TRDN: variants seen among roughly 807,000 people sequenced by gnomAD.
The protein encoded by TRDN is triadin, also known as triadin in skeletal muscle.
TRDN carries 161 observed loss-of-function variants against 149.7 expected under a neutral mutation model. That is an observed-to-expected ratio of 1.08 (90% confidence interval 0.95 to 1.23). The LOEUF (loss-of-function observed/expected upper bound fraction) is 1.23. Among genes scored for constraint, TRDN ranks in the 50% most tolerant of loss-of-function variants. The pLI, the probability that TRDN is intolerant of heterozygous loss-of-function variation, is 0.00. For missense variants in TRDN, 896 were observed against 823.5 expected (o/e 1.09, Z -1.08); for synonymous variants, 294 against 250.5 (o/e 1.17, Z -1.64).
chr6:123,527,776 T>C (rs1209125500), intron 5 of TRDN, among the ~76,000 whole-genome samples: 2 of 151,848 alleles, frequency 1.3e-5, no homozygotes, highest in African/African-American at 4.8e-5. Flanking sequence ...ATTCTGATTA[T>C]ATTTATAAAA....
At chr6:123,574,090 T>C (rs1051742503) in intron 1 of TRDN, among the ~76,000 whole-genome samples, 15 of 151,974 alleles carry the variant, frequency 9.9e-5, no homozygotes, top group South Asian at 2.1e-4. Flanking sequence ...CAAACAAAAT[T>C]AGTTTTTTAG....
chr6:123,517,452 C>T (rs1417043507), intron 5 of TRDN, among the ~76,000 whole-genome samples: 2 of 152,056 alleles, frequency 1.3e-5, no homozygotes, highest in Non-Finnish European at 2.9e-5. Context: ...ATATCATTGA[C>T]TCCTCTGTTA....
rs545032318 is a variant in TRDN at position 123,516,189 on chromosome 6, C to T, written c.502G>A (p.Glu168Lys). The change falls in exon 6 of 41, where the codon GAA (glutamate) becomes AAA (lysine). Residue 168 changes from glutamate (E) to lysine (K), a missense_variant. By Grantham distance (56) the Glu-to-Lys change is moderately conservative (BLOSUM62 1). Transcript: ENST00000334268. Reference protein sequence around the residue: ...IQTKVTHKEKEKGKEKVREKE... With the variant: ...IQTKVTHKEKKKGKEKVREKE... The stretch of plus-strand genomic sequence containing the variant: ...TCTCTTACTTTTTCTTTTCCTTTTT[C>T]TTTTTCTTTGTGTGTAACTGAAAAG... 346 of 1,482,694 alleles carry T rather than the reference C, an allele frequency of 2.3e-4. 6 individuals carry two copies. The South Asian group carries it at 4.1e-3, about 17-fold the overall frequency. 91.8% of individuals were successfully genotyped at this position (1,482,694 alleles called of 1,614,324 possible).
chr6:123,306,000 A>G (rs1376071964), intron 24 of TRDN, among the ~76,000 whole-genome samples: 2 of 152,150 alleles, frequency 1.3e-5, no homozygotes, highest in Non-Finnish European at 2.9e-5. Flanking sequence ...CTTCAGAATT[A>G]GGTTTAAGCT....
intron 19 of TRDN, among the ~76,000 whole-genome samples, chr6:123,370,377 T>A (rs1781278981): frequency 6.6e-6 from 1 of 152,120 alleles, no homozygotes; most frequent in Non-Finnish European, 1.5e-5. Flanking sequence ...ATTATTTAAT[T>A]TGTGTGATTT....
chr6:123,366,749 C>A (rs1337274863), intron 19 of TRDN, among the ~76,000 whole-genome samples: 1 of 152,136 alleles, frequency 6.6e-6, no homozygotes, highest in Non-Finnish European at 1.5e-5. Flanking sequence ...AACTCCTGAC[C>A]TCAGGTGATC....
At chr6:123,576,772 A>C (rs988214026) in intron 1 of TRDN, among the ~76,000 whole-genome samples, 1 of 152,070 alleles carries the variant, frequency 6.6e-6, no homozygotes, top group Non-Finnish European at 1.5e-5. Flanking sequence ...TCTGGGAAAC[A>C]AGGGCTGGTT....
intron 12 of TRDN, among the ~76,000 whole-genome samples, chr6:123,409,284 T>C (rs1262849721): frequency 6.6e-6 from 1 of 152,202 alleles, no homozygotes; most frequent in Admixed American, 6.5e-5. Flanking sequence ...ACATATATTC[T>C]TCAATTTAGC....
intron 24 of TRDN, among the ~76,000 whole-genome samples, chr6:123,292,023 G>C (rs929936107): frequency 1.3e-5 from 2 of 152,072 alleles, no homozygotes; most frequent in African/African-American, 2.4e-5. Flanking sequence ...ATCTCATTTT[G>C]GCTTTTGGTT....
In TRDN at chr6:123,319,825, A is replaced by C. The variant is rs146711311; in HGVS notation, c.1472-3330T>G. On this transcript the variant is annotated intron_variant, in intron 23 of 40. Transcript: ENST00000334268. ...TTTCCTATGCAGCACTGACTTTTCC[A>C]GGCTGTTGATTTCATTTGTGAAATG... 3.9e-3 allele frequency among the ~76,000 whole-genome samples: 591 copies of C among 152,184 alleles called. 22 individuals carry two copies. Among genetic ancestry groups the C allele is most frequent in the Admixed American group, 0.032 (485 of 15,230 alleles).
chr6:123,378,183 G>T (rs571279482), intron 16 of TRDN, among the ~76,000 whole-genome samples: 1 of 151,696 alleles, frequency 6.6e-6, no homozygotes, highest in East Asian at 1.9e-4. Context: ...ATCCATAAAG[G>T]GTGAAAAAAA....
At chr6:123,492,920 T>TCTTTCTGTCTCAATCTCTCC (rs1249653101) in intron 9 of TRDN, among the ~76,000 whole-genome samples, 1 of 152,082 alleles carries the variant, frequency 6.6e-6, no homozygotes, top group East Asian at 1.9e-4. Context: ...TCAATCTCTT[T>TCTTTCTGTCTCAATCTCTCC]CTTTCTGTCT....
intron 1 of TRDN, among the ~76,000 whole-genome samples, chr6:123,635,245 A>G (rs7775942): frequency 0.064 from 9,682 of 151,888 alleles, 1,002 homozygotes; most frequent in African/African-American, 0.22. Flanking sequence ...AATAGGAAAA[A>G]TGCTATTTAT....
rs1169561638 is a variant in TRDN, at chr6:123,516,016, T to C, written c.550+125A>G. 3 of 1,071,512 alleles carry C rather than the reference T, an allele frequency of 2.8e-6. No homozygotes were observed. In the East Asian group the frequency reaches 1.2e-4, roughly 43 times the overall value. The allele number at this position is 1,071,512 out of a possible 1,614,324, so 66.4% of individuals were successfully genotyped here. A position where few individuals can be genotyped will look rare whatever the true frequency, so the allele number is the denominator to read the frequency against. On this transcript the variant is annotated intron_variant, in intron 6 of 40. Coordinates refer to ENST00000334268, the MANE Select transcript of TRDN (RefSeq NM_006073.4). ...CAGAAATTCCTTTTTTCAGATTCTA[T>C]TCTGAGAAAATAATCCTAATCTAAT...
At chr6:123,482,794 C>T (rs572962201) in intron 9 of TRDN, among the ~76,000 whole-genome samples, 1 of 152,174 alleles carries the variant, frequency 6.6e-6, no homozygotes, top group East Asian at 1.9e-4. Flanking sequence ...TAAACAAGAG[C>T]TCATTACCCA....
chr6:123,469,554 C>T (rs146639224), intron 9 of TRDN: 6 of 152,326 alleles, frequency 3.9e-5, no homozygotes, highest in African/African-American at 9.6e-5. Context: ...GATGTTTTTA[C>T]TTCAAACAGA....
At chr6:123,252,783 G>A (rs1462565897) in intron 37 of TRDN, among the ~76,000 whole-genome samples, 1 of 151,898 alleles carries the variant, frequency 6.6e-6, no homozygotes, top group Admixed American at 6.6e-5. Context: ...ACTATGCCTG[G>A]CTGATTCTTT....
At chr6:123,441,747 CA>C (rs1468107022) in intron 10 of TRDN, among the ~76,000 whole-genome samples, 1 of 152,178 alleles carries the variant, frequency 6.6e-6, no homozygotes, top group African/African-American at 2.4e-5. Flanking sequence ...ATTACAATTG[CA>C]AAGCTTTCTA....
At chr6:123,376,384 C>A (rs956469983) in intron 18 of TRDN, among the ~76,000 whole-genome samples, 1 of 152,088 alleles carries the variant, frequency 6.6e-6, no homozygotes, top group Non-Finnish European at 1.5e-5. Context: ...GCAATTATTG[C>A]ATCTTGTAAA....
Sources: allele counts gnomAD v4.1 joint callset (sites outside exome capture counted in the v4.1 genomes callset), GRCh38; gene constraint gnomAD v4.1.1; transcripts MANE v1.5; gene names NCBI Gene and HGNC (gene_info 2026-07-23, HGNC 2026-07-21).